Variants in THTPA observed in about 807,000 individuals in gnomAD.
The protein encoded by THTPA is thiamine triphosphatase, also known as thiamine-triphosphatase.
Under a neutral mutation model 16.5 loss-of-function variants are expected in THTPA, and 16 were observed. The ratio of observed to expected loss-of-function variants is 0.97; its 90% CI spans 0.66 to 1.47. The LOEUF is 1.47. THTPA is among the 40% of genes most tolerant of loss of function. THTPA has a pLI of 0.00. For synonymous variants in THTPA, 110 were observed against 115.5 expected, an observed-to-expected ratio of 0.95 and a Z score of 0.30; for missense variants, 281 against 280.9, an observed-to-expected ratio of 1.00 and a Z score of 0.00.
the THTPA span, among the ~76,000 whole-genome samples, chr14:23,549,173 C>A: frequency 1.3e-5 from 2 of 152,242 alleles, no homozygotes; most frequent in African/African-American, 2.4e-5. Flanking sequence ...GCTATCAACA[C>A]GTTTTGTTTC....
chr14:23,527,556 A>AATAAGGGAG, the THTPA span: 1 of 1,532,104 alleles, frequency 6.5e-7, no homozygotes, highest in Non-Finnish European at 8.7e-7. Flanking sequence ...CCTCCTGCAC[A>AATAAGGGAG]GCCCTAATAA....
the THTPA span, chr14:23,544,157 A>C: frequency 6.6e-6 from 1 of 152,028 alleles, no homozygotes; most frequent in South Asian, 2.1e-4. Context: ...CAGGAGGCTG[A>C]GGCAGAAGAA....
chr14:23,537,735 CAAGTT>C, the THTPA span, among the ~76,000 whole-genome samples: 2 of 152,134 alleles, frequency 1.3e-5, no homozygotes, highest in African/African-American at 4.8e-5. Flanking sequence ...CAGAAGCCCT[CAAGTT>C]GAGGGAGAAA....
the THTPA span, chr14:23,524,392 C>T: frequency 6.5e-7 from 1 of 1,536,080 alleles, no homozygotes; most frequent in South Asian, 1.2e-5. The surrounding 1 kb of genome is among the most constrained non-coding windows in gnomAD (Gnocchi z 5.6). Context: ...GCTCGCCCTC[C>T]CCTCCTCCCC....
chr14:23,544,638 C>T, the THTPA span, among the ~76,000 whole-genome samples: 24 of 152,272 alleles, frequency 1.6e-4, no homozygotes, highest in Middle Eastern at 0.02. Context: ...GTGGTTGGCC[C>T]GGCTGGCGCG....
the THTPA span, chr14:23,513,080 C>T: frequency 6.6e-6 from 1 of 152,316 alleles, no homozygotes; most frequent in South Asian, 2.1e-4. Flanking sequence ...GGACCCAGCT[C>T]CCTCCGCCTG....
chr14:23,540,273 G>A, the THTPA span, among the ~76,000 whole-genome samples: 1 of 152,240 alleles, frequency 6.6e-6, no homozygotes, highest in East Asian at 1.9e-4. Context: ...TTACAGGCAT[G>A]AGCCACCAAG....
chr14:23,540,174 G>A, the THTPA span, among the ~76,000 whole-genome samples: 1 of 151,940 alleles, frequency 6.6e-6, no homozygotes, highest in African/African-American at 2.4e-5. Context: ...TATTTTTTGT[G>A]GAGACAAGGT....
the THTPA span, chr14:23,530,434 G>A: frequency 3.0e-6 from 2 of 677,490 alleles, no homozygotes; most frequent in Non-Finnish European, 5.4e-6. Context: ...TCCAGTTCCT[G>A]TCCTTTTATA....
chr14:23,524,982 C>A, the THTPA span: 1 of 1,536,244 alleles, frequency 6.5e-7, no homozygotes, highest in Non-Finnish European at 8.7e-7. This position sits in a 1 kb window ranked among gnomAD's most constrained non-coding sequence, Gnocchi z 5.6. Context: ...CCCTCACAGG[C>A]ATTTTTGCGT....
At chr14:23,548,612 A>T in the THTPA span, among the ~76,000 whole-genome samples, 1 of 152,094 alleles carries the variant, frequency 6.6e-6, no homozygotes, top group Non-Finnish European at 1.5e-5. Flanking sequence ...AGTTTATGGG[A>T]ATTCTACTTT....
At chr14:23,514,254 T>C in the THTPA span, 2 of 152,402 alleles carry the variant, frequency 1.3e-5, no homozygotes, top group African/African-American at 4.8e-5. Context: ...TCCCCTTCCC[T>C]CTTAGGCATG....
At chr14:23,524,959 T>C in the THTPA span, 1 of 1,536,242 alleles carries the variant, frequency 6.5e-7, no homozygotes, top group Admixed American at 2.0e-5. The surrounding 1 kb of genome is among the most constrained non-coding windows in gnomAD (Gnocchi z 5.6). Context: ...CTCCTCCGGT[T>C]GGCATGGACC....
the THTPA span, among the ~76,000 whole-genome samples, chr14:23,516,851 G>T: frequency 1.3e-5 from 2 of 152,330 alleles, no homozygotes; most frequent in East Asian, 3.9e-4. Context: ...AAGACTTAGT[G>T]CAGGGTTTGG....
Position 23,559,851 on chromosome 14 carries a change from C to T in THTPA, c.*1011C>T. On this transcript the variant is annotated 3_prime_UTR_variant, in exon 2 of 2. Coordinates refer to ENST00000288014, the MANE Select transcript of THTPA (RefSeq NM_024328.6). ...GGCGCAGCTTTAGCCGCAGGGGGGC[C>T]TAGGAATAGGAGAGCAGGGACCAGG... The T allele has an allele frequency of 6.2e-7, 1 of 1,614,028 alleles. No individual in the cohort carries two copies. The highest frequency in any genetic ancestry group is 1.1e-5 in the South Asian group (1 of 91,078).
chr14:23,526,018 C>A, the THTPA span: 1 of 1,534,996 alleles, frequency 6.5e-7, no homozygotes, highest in African/African-American at 1.4e-5. Flanking sequence ...CAGGGCCCTT[C>A]TTCTCAGTGC....
the THTPA span, among the ~76,000 whole-genome samples, chr14:23,540,750 T>A: frequency 6.6e-6 from 1 of 152,202 alleles, no homozygotes; most frequent in South Asian, 2.1e-4. Flanking sequence ...CCTTACTCAG[T>A]TGTGAAGACC....
the THTPA span, among the ~76,000 whole-genome samples, chr14:23,538,892 C>A: frequency 6.6e-6 from 1 of 151,872 alleles, no homozygotes; most frequent in Admixed American, 6.6e-5. Flanking sequence ...TGTGAAGGGG[C>A]GCCACAGACG....
the THTPA span, chr14:23,524,449 T>A: frequency 6.5e-7 from 1 of 1,535,736 alleles, no homozygotes; most frequent in Non-Finnish European, 8.7e-7. The surrounding 1 kb of genome is among the most constrained non-coding windows in gnomAD (Gnocchi z 5.6). Flanking sequence ...CATGCTTCCG[T>A]TTGAGAGGTG....
Sources: allele counts gnomAD v4.1 joint callset (sites outside exome capture counted in the v4.1 genomes callset), GRCh38; gene constraint gnomAD v4.1.1; non-coding constraint Gnocchi (gnomAD v3.1); transcripts MANE v1.5; gene names NCBI Gene and HGNC (gene_info 2026-07-23, HGNC 2026-07-21).